Variants in SLX4IP observed in about 807,000 individuals in gnomAD.
SLX4IP encodes the protein SLX4 interacting protein.
SLX4IP carries 34 observed loss-of-function variants against 32.9 expected under a neutral mutation model. The ratio of observed to expected loss-of-function variants is 1.03; its 90% confidence interval spans 0.79 to 1.38. The LOEUF is 1.38. Ranked by LOEUF, SLX4IP falls within the 40% of genes most tolerant of loss-of-function variation. The pLI, the probability that SLX4IP is intolerant of heterozygous loss-of-function variation, is 0.00. For missense variants in SLX4IP, 444 were observed against 479.0 expected (o/e 0.93, Z 0.68); for synonymous variants, 172 against 171.7 (o/e 1.00, Z -0.01).
chr20:10,596,222 C>T lies in SLX4IP; in HGVS notation c.239-2453C>T, dbSNP rs527330931. On this transcript the variant is annotated intron_variant, in intron 4 of 7. Transcript: ENST00000334534. ...GGTCAACTTCAGATTTTGCCCCTTCCTGATAATAACGTTTTTTTTTAAGAT... is the reference window on the plus strand; with the variant it reads ...GGTCAACTTCAGATTTTGCCCCTTCTTGATAATAACGTTTTTTTTTAAGAT... Among the ~76,000 whole-genome samples the T allele has an allele frequency of 2.0e-5, 3 of 152,096 alleles. No individual in the cohort carries two copies. In the South Asian group the frequency reaches 6.2e-4, roughly 32 times the overall value.
At chr20:10,573,539 C>T (rs968253843) in intron 4 of SLX4IP, among the ~76,000 whole-genome samples, 1 of 152,204 alleles carries the variant, frequency 6.6e-6, no homozygotes, top group East Asian at 1.9e-4. Context: ...TGGAACTGTA[C>T]CGCAGTCACA....
At chr20:10,520,701 A>G (rs1473077081) in intron 2 of SLX4IP, among the ~76,000 whole-genome samples, 1 of 152,216 alleles carries the variant, frequency 6.6e-6, no homozygotes, top group Non-Finnish European at 1.5e-5. Context: ...TGGTTTGAAG[A>G]ATGAGCCCAG....
chr20:10,592,597 G>C (rs1430483801), intron 4 of SLX4IP, among the ~76,000 whole-genome samples: 1 of 137,492 alleles, frequency 7.3e-6, no homozygotes, highest in Non-Finnish European at 1.6e-5. Flanking sequence ...TAATGAAATA[G>C]CTTGAAAGCA....
intron 4 of SLX4IP, among the ~76,000 whole-genome samples, chr20:10,593,761 G>C (rs552880991): frequency 5.3e-5 from 8 of 152,100 alleles, no homozygotes; most frequent in Non-Finnish European, 8.8e-5. Context: ...GTAGAATGGG[G>C]TTGTTCTATA....
At chr20:10,436,372 TTTTAGATGGAGTCTCGCTCTG>T (rs932734656) in intron 1 of SLX4IP, among the ~76,000 whole-genome samples, 1 of 152,174 alleles carries the variant, frequency 6.6e-6, no homozygotes, top group African/African-American at 2.4e-5. Context: ...TTCTTTTTTT[TTTTAGATGGAGTCTCGCTCTG>T]TTGCCCAGGT....
intron 2 of SLX4IP, among the ~76,000 whole-genome samples, chr20:10,510,988 C>G (rs627344): frequency 2.0e-5 from 3 of 152,216 alleles, no homozygotes; most frequent in African/African-American, 7.2e-5. Context: ...CCCTGCCAGC[C>G]AAAACCACTG....
intron 2 of SLX4IP, among the ~76,000 whole-genome samples, chr20:10,524,150 A>G (rs1360386918): frequency 6.6e-6 from 1 of 152,194 alleles, no homozygotes; most frequent in East Asian, 1.9e-4. Context: ...GTGCTTTGTG[A>G]TGGAAGAGAG....
intron 2 of SLX4IP, 110 bp downstream of exon 2, chr20:10,458,341 G>A: frequency 1.8e-6 from 2 of 1,125,480 alleles, no homozygotes; most frequent in Non-Finnish European, 1.2e-6. Flanking sequence ...TTTACACTTG[G>A]GACTCTGCAA....
At chr20:10,513,677 C>T (rs552664848) in intron 2 of SLX4IP, among the ~76,000 whole-genome samples, 24 of 152,202 alleles carry the variant, frequency 1.6e-4, no homozygotes, top group Non-Finnish European at 2.6e-4. Context: ...CTCTGGCATT[C>T]CCAGGGTTTT....
At chr20:10,483,098 C>T (rs890060698) in intron 2 of SLX4IP, among the ~76,000 whole-genome samples, 1 of 152,134 alleles carries the variant, frequency 6.6e-6, no homozygotes, top group African/African-American at 2.4e-5. Flanking sequence ...ATAAAATTAA[C>T]AACAGAAAGA....
intron 6 of SLX4IP, among the ~76,000 whole-genome samples, chr20:10,606,579 A>G (rs1041755412): frequency 2.0e-5 from 3 of 152,208 alleles, no homozygotes; most frequent in South Asian, 2.1e-4. Context: ...GGCTGTTTTC[A>G]TATTTCACAT....
At chr20:10,606,508 G>A (rs2066907975) in intron 6 of SLX4IP, among the ~76,000 whole-genome samples, 1 of 152,178 alleles carries the variant, frequency 6.6e-6, no homozygotes, top group Non-Finnish European at 1.5e-5. Flanking sequence ...GTGGTGAATT[G>A]CGTGGAAGAT....
intron 4 of SLX4IP, among the ~76,000 whole-genome samples, chr20:10,566,846 T>G (rs182197111): frequency 3.1e-4 from 47 of 152,306 alleles, no homozygotes; most frequent in South Asian, 1.2e-3. Context: ...TCCTGAAGTC[T>G]GTGGATGATG....
At chr20:10,533,014 A>G (rs2066003077) in intron 2 of SLX4IP, among the ~76,000 whole-genome samples, 1 of 151,918 alleles carries the variant, frequency 6.6e-6, no homozygotes, top group African/African-American at 2.4e-5. Flanking sequence ...TGACCTCGTG[A>G]TTTGCCTGCC....
intron 2 of SLX4IP, among the ~76,000 whole-genome samples, chr20:10,466,201 G>A (rs529021411): frequency 9.7e-4 from 148 of 152,298 alleles, no homozygotes; most frequent in African/African-American, 3.4e-3. Context: ...GTGTCCACCC[G>A]CTGCCTTAGA....
chr20:10,509,333 C>T (rs1412229798), intron 2 of SLX4IP, among the ~76,000 whole-genome samples: 1 of 152,136 alleles, frequency 6.6e-6, no homozygotes, highest in African/African-American at 2.4e-5. Context: ...GAAACTAAAG[C>T]CCTGAATGGA....
At chr20:10,498,514 T>G (rs2065688834) in intron 2 of SLX4IP, among the ~76,000 whole-genome samples, 1 of 152,168 alleles carries the variant, frequency 6.6e-6, no homozygotes, top group African/African-American at 2.4e-5. Flanking sequence ...CATTTCTGTC[T>G]CATGAAATGG....
intron 2 of SLX4IP, among the ~76,000 whole-genome samples, chr20:10,533,028 G>A (rs2066003102): frequency 6.6e-6 from 1 of 152,056 alleles, no homozygotes; most frequent in Admixed American, 6.5e-5. Flanking sequence ...GCCTGCCTTG[G>A]CCTCCCGAAG....
intron 6 of SLX4IP, among the ~76,000 whole-genome samples, chr20:10,608,309 A>AT (rs762721986): frequency 5.9e-5 from 9 of 152,216 alleles, no homozygotes; most frequent in Non-Finnish European, 1.2e-4. Flanking sequence ...AAAGGTAAAC[A>AT]TGATACTTTC....
Sources: allele counts gnomAD v4.1 joint callset (sites outside exome capture counted in the v4.1 genomes callset), GRCh38; gene constraint gnomAD v4.1.1; transcripts MANE v1.5; gene names NCBI Gene and HGNC (gene_info 2026-07-23, HGNC 2026-07-21).